MBTPS2: variants seen among roughly 807,000 people sequenced by gnomAD.
MBTPS2 encodes the protein membrane bound transcription factor peptidase, site 2, also known as membrane-bound transcription factor site-2 protease.
A neutral mutation model predicts 35.4 loss-of-function variants in MBTPS2; 2 were observed. The observed-to-expected ratio is 0.06, with a 90% CI of 0.02 to 0.18. MBTPS2 has a LOEUF of 0.18. MBTPS2 is among the 10% of genes least tolerant of loss of function. MBTPS2 has a pLI of 1.00. For synonymous variants in MBTPS2, 125 were observed against 140.4 expected (o/e 0.89, Z 0.77); for missense variants, 244 against 386.5 (o/e 0.63, Z 3.09).
In MBTPS2 at chrX:21,883,027, G is replaced by T; in HGVS notation, c.*372G>T. 2 of 825,292 alleles carry T rather than the reference G, an allele frequency of 2.4e-6. No homozygotes were observed. The highest frequency in any genetic ancestry group is 1.5e-6 in the Non-Finnish European group (1 of 682,578). The allele number at this position is 825,292 out of a possible 1,213,427, so 68.0% of individuals were successfully genotyped here. A position where few individuals can be genotyped will look rare whatever the true frequency, so the allele number is the denominator to read the frequency against. On this transcript the variant is annotated 3_prime_UTR_variant, in exon 11 of 11. Transcript: ENST00000379484. ...TAATTGGGAAAAACTTCTTACAAAA[G>T]CATCATTAATCAAAATTTGAAGGAG...
At position 21,842,556 on chromosome X, in the gene MBTPS2, G is replaced by A. The variant is rs369639436; in HGVS notation, c.76-614G>A. ...TAGTCCAAACTGAGATGTGCTGTAA[G>A]TATAAAGTTGATGTTGAAATTCAAC... On this transcript the variant is annotated intron_variant, in intron 1 of 10. Coordinates refer to ENST00000379484, the MANE Select transcript of MBTPS2 (RefSeq NM_015884.4). Among the ~76,000 whole-genome samples, 17 of 110,953 alleles carry A rather than the reference G, an allele frequency of 1.5e-4. No individual in the cohort carries two copies. In the East Asian group the frequency reaches 2.8e-3, roughly 18 times the overall value.
Position 21,868,503 on chromosome X carries a change from T to C in MBTPS2, c.707T>C (p.Ile236Thr), listed in dbSNP as rs148691380. ...WHNFVLALLG[I>T]LALVLLPVIL... ...AATTTTGTCCTTGCACTCTTGGGTA[T>C]TTTAGCTCTTGTTCTCCTCCCAGTA... is the stretch of plus-strand genomic sequence containing the variant. Residue 236 changes from isoleucine (I) to threonine (T), a missense_variant, in exon 6 of 11, where the codon ATT becomes ACT. Transcript: ENST00000379484. 17 of 1,207,772 alleles carry C rather than the reference T, an allele frequency of 1.4e-5. No homozygotes were observed. In the African/African-American group the frequency reaches 3.0e-4, roughly 21 times the overall value.
chrX:21,848,723 A>G (rs1362848411), intron 3 of MBTPS2, among the ~76,000 whole-genome samples: 2 of 111,515 alleles, frequency 1.8e-5, no homozygotes, highest in Non-Finnish European at 3.8e-5. Flanking sequence ...AACAACAACA[A>G]AAATGATTAT....
At chrX:21,872,178 C>T (rs904890339) in intron 7 of MBTPS2, 3 of 111,841 alleles carry the variant, frequency 2.7e-5, no homozygotes, top group African/African-American at 9.7e-5. Context: ...AGTCCTTTAT[C>T]CTTTTCTTTT....
chrX:21,873,012 G>A (rs1159429238), intron 7 of MBTPS2: 5 of 111,104 alleles, frequency 4.5e-5, no homozygotes. Flanking sequence ...TCAATTTAGA[G>A]TAGAATTCAG....
At chrX:21,855,423 G>C (rs1293937043) in intron 5 of MBTPS2, among the ~76,000 whole-genome samples, 4 of 110,238 alleles carry the variant, frequency 3.6e-5, no homozygotes, top group Non-Finnish European at 5.7e-5. Flanking sequence ...AATTAAGAAA[G>C]TTGATAAAGA....
At chrX:21,875,418 T>C (rs1385167552) in intron 7 of MBTPS2, among the ~76,000 whole-genome samples, 2 of 111,979 alleles carry the variant, frequency 1.8e-5, no homozygotes, top group Admixed American at 1.9e-4. Flanking sequence ...CCCACCACTT[T>C]GTTTTTTCTG....
intron 2 of MBTPS2, 57 bp from the exon 3 acceptor site, chrX:21,845,114 C>G: frequency 8.3e-7 from 1 of 1,209,848 alleles, no homozygotes; most frequent in Middle Eastern, 2.3e-4. Context: ...AGTGAATTTG[C>G]TAGTCCATGA....
At chrX:21,869,019 G>C (rs2092943933) in intron 6 of MBTPS2, among the ~76,000 whole-genome samples, 2 of 112,459 alleles carry the variant, frequency 1.8e-5, no homozygotes, top group Admixed American at 9.4e-5. Flanking sequence ...GACAATAACT[G>C]CTATGATGGC....
chrX:21,878,826 G>T (rs761665999), intron 9 of MBTPS2, 134 bp downstream of exon 9: 2 of 506,343 alleles, frequency 3.9e-6, no homozygotes, highest in African/African-American at 2.4e-5. Flanking sequence ...TTGTTAACTT[G>T]TTCTTAAGCA....
At position 21,859,159 on chromosome X, in the gene MBTPS2, A is replaced by G. The variant is rs147783910; in HGVS notation, c.670+5656A>G. Among the ~76,000 whole-genome samples the G allele has an allele frequency of 5.5e-3, 594 of 107,801 alleles. 3 individuals carry two copies. Among genetic ancestry groups the G allele is most frequent in the African/African-American group, 0.02 (568 of 28,828 alleles). 93.6% of individuals were successfully genotyped at this position (107,801 alleles called of 115,157 possible). A position where few individuals can be genotyped will look rare whatever the true frequency, so the allele number is the denominator to read the frequency against. On this transcript the variant is annotated intron_variant, in intron 5 of 10. Transcript: ENST00000379484. ...ATTCTTAGAAATAGGAAGTTCATTT[A>G]TTGTTTACAATTTTTTTTTTAAATT... is the stretch of plus-strand genomic sequence containing the variant.
chrX:21,856,602 G>A lies in MBTPS2; in HGVS notation c.670+3099G>A, dbSNP rs147890732. On this transcript the variant is annotated intron_variant, in intron 5 of 10. Transcript: ENST00000379484. ...TATGGAGGACATTCCGACGGAAAGCGTCCAGTACGAGGATGTGGATGGCAA... is the reference window on the plus strand; with the variant it reads ...TATGGAGGACATTCCGACGGAAAGCATCCAGTACGAGGATGTGGATGGCAA... 5.7e-5 allele frequency: 69 copies of A among 1,210,347 alleles called. No individual in the cohort carries two copies. The African/African-American group carries it at 1.0e-3, about 18-fold the overall frequency.
At chrX:21,842,075 A>G (rs902247790) in intron 1 of MBTPS2, 1 of 112,537 alleles carries the variant, frequency 8.9e-6, no homozygotes, top group Non-Finnish European at 1.9e-5. Flanking sequence ...TTTTAAGACT[A>G]TGATAGGGCT....
chrX:21,841,677 A>C (rs2092902806), intron 1 of MBTPS2: 1 of 111,710 alleles, frequency 9.0e-6, no homozygotes, highest in Non-Finnish European at 1.9e-5. Context: ...AAAAAAATCT[A>C]AAATAAAAAG....
intron 9 of MBTPS2, among the ~76,000 whole-genome samples, chrX:21,880,448 A>G (rs948722536): frequency 9.0e-6 from 1 of 111,289 alleles, no homozygotes; most frequent in Non-Finnish European, 1.9e-5. Context: ...GACTAATTAC[A>G]GGATAGTTTT....
intron 10 of MBTPS2, among the ~76,000 whole-genome samples, chrX:21,881,662 G>A (rs969601805): frequency 3.6e-5 from 4 of 111,328 alleles, no homozygotes; most frequent in Non-Finnish European, 5.6e-5. Flanking sequence ...GTGGCCAGGC[G>A]CGGTGGCTCA....
chrX:21,840,453 T>A (rs1311064037), intron 1 of MBTPS2, among the ~76,000 whole-genome samples: 1 of 111,351 alleles, frequency 9.0e-6, no homozygotes, highest in Non-Finnish European at 1.9e-5. Context: ...GAATTCTGAT[T>A]TACACGCTGC....
intron 5 of MBTPS2, among the ~76,000 whole-genome samples, chrX:21,859,599 T>A (rs369194810): frequency 9.2e-6 from 1 of 108,966 alleles, no homozygotes; most frequent in East Asian, 2.9e-4. Context: ...AAGAAGTACA[T>A]CCTGTGTAAT....
chrX:21,869,847 A>G, intron 7 of MBTPS2, 169 bp downstream of exon 7: 2 of 448,002 alleles, frequency 4.5e-6, no homozygotes, highest in Non-Finnish European at 7.8e-6. Context: ...TTGGATGCTA[A>G]TATGTGTTTC....
Sources: gnomAD v4.1 joint callset for allele counts (sites outside exome capture counted in the v4.1 genomes callset) on GRCh38, gnomAD v4.1.1 for gene constraint, MANE v1.5 for transcripts, NCBI Gene and HGNC (gene_info 2026-07-23, HGNC 2026-07-21) for gene names.